PDE8B: variants seen among roughly 807,000 people sequenced by gnomAD.
PDE8B encodes the protein phosphodiesterase 8B.
Under a neutral mutation model 101.3 loss-of-function variants are expected in PDE8B, and 26 were observed. The ratio of observed to expected loss-of-function variants is 0.26; its 90% CI spans 0.19 to 0.36. PDE8B has a LOEUF of 0.36. Ranked by LOEUF, PDE8B falls within the 10% of genes least tolerant of loss-of-function variation. The pLI is 1.00. For synonymous variants in PDE8B, 424 were observed against 429.3 expected, an observed-to-expected ratio of 0.99 and a Z score of 0.15; for missense variants, 810 against 1,163.1, an observed-to-expected ratio of 0.70 and a Z score of 4.42.
chr5:77,311,918 T>C (rs1235210467), intron 1 of PDE8B, 76 bp from the exon 2 acceptor site: 2 of 1,139,190 alleles, frequency 1.8e-6, no homozygotes, highest in African/African-American at 3.0e-5. Flanking sequence ...CATAATGCAA[T>C]GCGTTGCGTA....
At chr5:77,198,512 G>A in the PDE8B span, among the ~76,000 whole-genome samples, 62,520 of 151,920 alleles carry the variant, frequency 0.41, 13,597 homozygotes, top group African/African-American at 0.54. Flanking sequence ...TTCTCACATC[G>A]GTGAAACCAC....
upstream of PDE8B, among the ~76,000 whole-genome samples, chr5:77,206,642 G>T (rs1561343021): frequency 6.6e-6 from 1 of 152,158 alleles, no homozygotes; most frequent in Non-Finnish European, 1.5e-5. Context: ...AGGTCGCCAG[G>T]ATCCACGTCG....
intron 1 of PDE8B, among the ~76,000 whole-genome samples, chr5:77,292,185 A>C (rs1767518363): frequency 6.6e-6 from 1 of 151,974 alleles, no homozygotes; most frequent in Non-Finnish European, 1.5e-5. Flanking sequence ...GCGCAGATGG[A>C]TTTGAGTGTT....
chr5:77,410,424 G>A (rs754248966), intron 14 of PDE8B: 11 of 152,322 alleles, frequency 7.2e-5, no homozygotes, highest in South Asian at 2.1e-4. Flanking sequence ...GTAAACTGCC[G>A]TGGCATGCTG....
chr5:77,160,256 T>C, the PDE8B span, among the ~76,000 whole-genome samples: 1 of 152,196 alleles, frequency 6.6e-6, no homozygotes, highest in South Asian at 2.1e-4. Flanking sequence ...AAATAATCAA[T>C]TTTATAAATA....
chr5:77,172,428 C>T, the PDE8B span, among the ~76,000 whole-genome samples: 5 of 152,290 alleles, frequency 3.3e-5, no homozygotes, highest in South Asian at 2.1e-4. Flanking sequence ...CAGACAATGA[C>T]GGTGTTTGTT....
the PDE8B span, among the ~76,000 whole-genome samples, chr5:77,099,693 C>T: frequency 6.6e-6 from 1 of 151,996 alleles, no homozygotes; most frequent in Non-Finnish European, 1.5e-5. Context: ...CTCACTGCAA[C>T]CTCCGCCTCC....
chr5:77,288,610 C>G (rs983143651), intron 1 of PDE8B, among the ~76,000 whole-genome samples: 1 of 152,090 alleles, frequency 6.6e-6, no homozygotes, highest in Admixed American at 6.5e-5. Flanking sequence ...GGCACAAGAC[C>G]AGAGAAATCT....
intron 18 of PDE8B, among the ~76,000 whole-genome samples, chr5:77,419,539 T>A (rs138389598): frequency 2.0e-5 from 3 of 152,220 alleles, no homozygotes; most frequent in South Asian, 2.1e-4. Flanking sequence ...CTCTCTTTTT[T>A]AAAATACTCA....
At chr5:77,386,080 C>G (rs1581400675) in intron 10 of PDE8B, among the ~76,000 whole-genome samples, 2 of 152,280 alleles carry the variant, frequency 1.3e-5, no homozygotes, top group Middle Eastern at 3.4e-3. Context: ...AGCCACCAAG[C>G]CTGGCCTTGA....
At chr5:77,425,675 C>A in intron 20 of PDE8B, 92 bp from the exon 21 acceptor site, 1 of 1,300,818 alleles carries the variant, frequency 7.7e-7, no homozygotes, top group Non-Finnish European at 1.1e-6. Context: ...TGGATAATGA[C>A]CCATTTTCAC....
intron 17 of PDE8B, among the ~76,000 whole-genome samples, chr5:77,415,363 T>C (rs1270305960): frequency 1.4e-5 from 2 of 146,318 alleles, no homozygotes; most frequent in Non-Finnish European, 3.0e-5. Context: ...TTTTTTTTTT[T>C]TTTTTTTTTT....
In PDE8B at chr5:77,337,228, G is replaced by T. The variant is rs753509997; in HGVS notation, c.710G>T (p.Arg237Ile). 6.5e-7 allele frequency: 1 copy of T among 1,540,352 alleles called. No individual in the cohort carries two copies. The highest frequency in any genetic ancestry group is 1.7e-5 in the Admixed American group (1 of 59,216). The stretch of plus-strand genomic sequence containing the variant: ...GTATTGTCTTTGCTTTCTTTTCAGA[G>T]ATTTATGGAGAATAGCAGCATAATT... ...LPLLHAGFNR[R>I]FMENSSIIAC... The change falls in exon 6 of 22, where the codon AGA becomes ATA. Residue 237 changes from arginine (R) to isoleucine (I), a missense_variant and splice_region_variant. By Grantham distance (97) the Arg-to-Ile change is moderately conservative. Around this residue, in one of 4 missense-constraint regions of PDE8B, gnomAD observed 251 missense variants for 378.8 expected, o/e 0.66. Coordinates refer to ENST00000264917, the MANE Select transcript of PDE8B (RefSeq NM_003719.5).
intron 1 of PDE8B, among the ~76,000 whole-genome samples, chr5:77,298,626 C>G (rs1234086871): frequency 1.3e-5 from 2 of 152,216 alleles, no homozygotes; most frequent in Admixed American, 6.5e-5. Context: ...CAGTAGAACT[C>G]CAAGTCCACA....
the PDE8B span, among the ~76,000 whole-genome samples, chr5:77,180,815 T>A: frequency 6.6e-6 from 1 of 152,174 alleles, no homozygotes; most frequent in South Asian, 2.1e-4. Context: ...TCGGGCCGGC[T>A]CCTCGGGCTG....
rs868381736 is a variant in PDE8B at position 77,229,773 on chromosome 5, C to T, written c.339+18509C>T. Among the ~76,000 whole-genome samples the T allele has an allele frequency of 7.9e-5, 12 of 152,286 alleles. No homozygotes were observed. In the South Asian group the frequency reaches 1.9e-3, roughly 24 times the overall value. ...CTCATTGAAGTATATATCAGTACTG[C>T]GTTCCTCTTGACTGTCAAATAATAT... On this transcript the variant is annotated intron_variant, in intron 1 of 21. Transcript: ENST00000264917.
chr5:77,123,783 G>A, the PDE8B span, among the ~76,000 whole-genome samples: 1 of 152,124 alleles, frequency 6.6e-6, no homozygotes, highest in African/African-American at 2.4e-5. Context: ...AACTAGTCAG[G>A]AATAGGATGA....
intron 1 of PDE8B, among the ~76,000 whole-genome samples, chr5:77,285,332 T>TGGA (rs1765784529): frequency 6.6e-6 from 1 of 152,238 alleles, no homozygotes; most frequent in Non-Finnish European, 1.5e-5. Context: ...TTTCCTTTAA[T>TGGA]CTGAAATAAT....
At chr5:77,269,685 C>A (rs960653088) in intron 1 of PDE8B, among the ~76,000 whole-genome samples, 8 of 152,146 alleles carry the variant, frequency 5.3e-5, no homozygotes, top group Non-Finnish European at 8.8e-5. Context: ...TTCCATTCTT[C>A]TGTATATGGA....
Sources: allele counts gnomAD v4.1 joint callset (sites outside exome capture counted in the v4.1 genomes callset), GRCh38; gene constraint gnomAD v4.1.1; regional missense constraint gnomAD v4.1.1; transcripts MANE v1.5; gene names NCBI Gene and HGNC (gene_info 2026-07-23, HGNC 2026-07-21).